Variants in MNAT1 observed in about 807,000 individuals in gnomAD.
The protein encoded by MNAT1 is MNAT1 component of CDK activating kinase, also known as CDK-activating kinase assembly factor MAT1.
In MNAT1, 43 loss-of-function variants were observed where a neutral mutation model predicts 42.0. The observed-to-expected ratio is 1.02, with a 90% CI of 0.80 to 1.32. MNAT1 has a LOEUF of 1.32. Ranked by LOEUF, MNAT1 falls within the 40% of genes most tolerant of loss-of-function variation. The probability of loss-of-function intolerance (pLI) is 0.00; values close to 1 mark genes in which losing one functional copy is unlikely to be tolerated. For synonymous variants in MNAT1, 118 were observed against 120.0 expected, an observed-to-expected ratio of 0.98 and a Z score of 0.11; for missense variants, 306 against 350.4, an observed-to-expected ratio of 0.87 and a Z score of 1.01.
chr14:60,836,787 C>G (rs1194168405), intron 6 of MNAT1, among the ~76,000 whole-genome samples: 3 of 152,212 alleles, frequency 2.0e-5, no homozygotes, highest in Non-Finnish European at 4.4e-5. Context: ...ATCTGCTGCT[C>G]TCTTCAGAGC....
chr14:60,809,204 A>G (rs545259676), intron 4 of MNAT1, among the ~76,000 whole-genome samples: 1 of 152,150 alleles, frequency 6.6e-6, no homozygotes, highest in African/African-American at 2.4e-5. Context: ...GAGATACTTT[A>G]TCAGGATTTT....
At chr14:60,967,358 A>G (rs1048227500) in intron 7 of MNAT1, among the ~76,000 whole-genome samples, 4 of 152,224 alleles carry the variant, frequency 2.6e-5, no homozygotes, top group Non-Finnish European at 5.9e-5. Context: ...CCATACCAGT[A>G]ATTCTAAGGT....
chr14:60,773,360 A>C (rs535566745), intron 1 of MNAT1, among the ~76,000 whole-genome samples: 1 of 152,314 alleles, frequency 6.6e-6, no homozygotes, highest in African/African-American at 2.4e-5. Flanking sequence ...TTCAACCACT[A>C]TTTGCACCAA....
At chr14:60,903,030 C>T (rs985706381) in intron 7 of MNAT1, among the ~76,000 whole-genome samples, 1 of 151,162 alleles carries the variant, frequency 6.6e-6, no homozygotes, top group Non-Finnish European at 1.5e-5. Flanking sequence ...ACTTGTAGAA[C>T]TTTTAGACCA....
intron 6 of MNAT1, among the ~76,000 whole-genome samples, chr14:60,856,754 C>T (rs1490219174): frequency 3.3e-5 from 5 of 151,100 alleles, no homozygotes; most frequent in African/African-American, 9.7e-5. Flanking sequence ...GATCTCAGCT[C>T]GTGGCAACCT....
chr14:60,779,341 G>C (rs1371717527), intron 1 of MNAT1, among the ~76,000 whole-genome samples: 1 of 152,198 alleles, frequency 6.6e-6, no homozygotes, highest in Non-Finnish European at 1.5e-5. Context: ...CTGGCAAGCT[G>C]CTTACACCAG....
intron 2 of MNAT1, among the ~76,000 whole-genome samples, chr14:60,796,962 T>C (rs1277840529): frequency 6.6e-6 from 1 of 152,092 alleles, no homozygotes; most frequent in Non-Finnish European, 1.5e-5. Context: ...TATATAGATA[T>C]ACACACATGG....
intron 1 of MNAT1, chr14:60,780,039 A>G: frequency 6.5e-7 from 1 of 1,530,624 alleles, no homozygotes; most frequent in Non-Finnish European, 9.1e-7. Context: ...GAAATCGTGG[A>G]CGAGTTCTTC....
At chr14:60,754,763 G>A (rs994572966) in intron 1 of MNAT1, among the ~76,000 whole-genome samples, 1 of 152,172 alleles carries the variant, frequency 6.6e-6, no homozygotes, top group Non-Finnish European at 1.5e-5. Context: ...GGGGAATCTA[G>A]TAGTATTGTA....
intron 1 of MNAT1, among the ~76,000 whole-genome samples, chr14:60,782,323 A>G (rs2031491927): frequency 6.6e-6 from 1 of 152,148 alleles, no homozygotes; most frequent in African/African-American, 2.4e-5. Flanking sequence ...GAAAAGGGTG[A>G]GAAGGACTAC....
At chr14:60,794,397 G>A (rs1335717701) in intron 1 of MNAT1, among the ~76,000 whole-genome samples, 1 of 151,848 alleles carries the variant, frequency 6.6e-6, no homozygotes, top group Non-Finnish European at 1.5e-5. Context: ...AGGAGTGGTG[G>A]CTCATGCCTA....
intron 7 of MNAT1, among the ~76,000 whole-genome samples, chr14:60,950,259 T>G (rs1022754826): frequency 6.6e-6 from 1 of 152,220 alleles, no homozygotes; most frequent in Admixed American, 6.5e-5. Flanking sequence ...TTGTATTCTA[T>G]TGTAGTATAT....
intron 6 of MNAT1, among the ~76,000 whole-genome samples, chr14:60,830,617 G>A (rs2139382485): frequency 6.6e-6 from 1 of 152,198 alleles, no homozygotes; most frequent in African/African-American, 2.4e-5. Flanking sequence ...CAGCTAAGCA[G>A]ACTTAGTTTT....
intron 6 of MNAT1, among the ~76,000 whole-genome samples, chr14:60,866,771 G>T (rs1199218617): frequency 6.6e-6 from 1 of 151,998 alleles, no homozygotes; most frequent in Non-Finnish European, 1.5e-5. Context: ...TATATTATTT[G>T]AGGATCTTTA....
At position 60,968,916 on chromosome 14, in the gene MNAT1, A is replaced by T. The variant is rs375530095; in HGVS notation, c.*567A>T. On this transcript the variant is annotated 3_prime_UTR_variant, in exon 8 of 8. Coordinates refer to ENST00000261245, the MANE Select transcript of MNAT1 (RefSeq NM_002431.4). ...TCATTCCCTCAATACTAAGGACTCAATGCCTGTTTTAAGCAGTGGAAAATG... is the reference window on the plus strand; with the variant it reads ...TCATTCCCTCAATACTAAGGACTCATTGCCTGTTTTAAGCAGTGGAAAATG... 1 of 180,960 alleles carries T rather than the reference A, an allele frequency of 5.5e-6. No individual in the cohort carries two copies. Among genetic ancestry groups the T allele is most frequent in the South Asian group, 1.2e-4 (1 of 8,084 alleles). The allele number at this position is 180,960 out of a possible 1,614,324, so 11.2% of individuals were successfully genotyped here.
At chr14:60,925,059 A>G (rs1273001698) in intron 7 of MNAT1, among the ~76,000 whole-genome samples, 1 of 152,232 alleles carries the variant, frequency 6.6e-6, no homozygotes, top group Non-Finnish European at 1.5e-5. Context: ...CATAGATTCA[A>G]CTAACGGCAA....
chr14:60,857,313 C>T (rs531465192), intron 6 of MNAT1, among the ~76,000 whole-genome samples: 1 of 152,230 alleles, frequency 6.6e-6, no homozygotes, highest in Admixed American at 6.5e-5. Flanking sequence ...TTGAGCAGTT[C>T]AAGACTTAAG....
At chr14:60,913,713 C>T (rs1214593135) in intron 7 of MNAT1, among the ~76,000 whole-genome samples, 4 of 152,224 alleles carry the variant, frequency 2.6e-5, no homozygotes, top group East Asian at 1.9e-4. Flanking sequence ...AGTACCCAGC[C>T]GTGTGAGGTG....
intron 1 of MNAT1, among the ~76,000 whole-genome samples, chr14:60,739,358 A>G (rs1813920761): frequency 6.6e-6 from 1 of 152,040 alleles, no homozygotes; most frequent in Non-Finnish European, 1.5e-5. Flanking sequence ...GCTATCTTGA[A>G]GGCTGGCTTC....
Sources: allele counts gnomAD v4.1 joint callset (sites outside exome capture counted in the v4.1 genomes callset), GRCh38; gene constraint gnomAD v4.1.1; transcripts MANE v1.5; gene names NCBI Gene and HGNC (gene_info 2026-07-23, HGNC 2026-07-21).